MGAT3: variants seen among roughly 807,000 people sequenced by gnomAD.
The protein encoded by MGAT3 is GlcNAc-T III.
Under a neutral mutation model 29.8 loss-of-function variants are expected in MGAT3, and 9 were observed. The observed-to-expected ratio is 0.30, with a 90% CI of 0.18 to 0.53. MGAT3 has a LOEUF of 0.53. Ranked by LOEUF, MGAT3 falls within the 20% of genes least tolerant of loss-of-function variation. The pLI is 0.96. For missense variants in MGAT3, 557 were observed against 769.5 expected, an observed-to-expected ratio of 0.72 and a Z score of 3.27; for synonymous variants, 397 against 348.9, an observed-to-expected ratio of 1.14 and a Z score of -1.54.
intron 1 of MGAT3, among the ~76,000 whole-genome samples, chr22:39,461,117 A>G (rs1928485976): frequency 6.6e-6 from 1 of 152,048 alleles, no homozygotes. Flanking sequence ...CTGTGCTGTA[A>G]ATCCTCCCCA....
chr22:39,468,140 C>T (rs945207755), intron 1 of MGAT3, among the ~76,000 whole-genome samples: 1 of 152,114 alleles, frequency 6.6e-6, no homozygotes, highest in African/African-American at 2.4e-5. Context: ...CCCTGGGTGC[C>T]CAGAGCCCCA....
At position 39,484,497 on chromosome 22, in the gene MGAT3, C is replaced by CT. The variant is rs199767381; in HGVS notation, c.-1-2849dup. ...AAGCGATTCTCCTGCCTCAGCCTCC[C>CT]TAGTAGCTGGGATTACAGGTGCCCA... is the stretch of plus-strand genomic sequence containing the variant. On this transcript the variant is annotated intron_variant, in intron 1 of 1. Coordinates refer to ENST00000341184, the MANE Select transcript of MGAT3 (RefSeq NM_002409.5). Among the ~76,000 whole-genome samples the CT allele has an allele frequency of 5.3e-3, 809 of 152,116 alleles. 3 individuals carry two copies. Among genetic ancestry groups the CT allele is most frequent in the Middle Eastern group, 0.014 (4 of 294 alleles).
In MGAT3 at chr22:39,489,529, C is replaced by T. The variant is rs1459622900; in HGVS notation, c.*580C>T. 5.9e-6 allele frequency: 1 copy of T among 169,584 alleles called. No individual in the cohort carries two copies. The highest frequency in any genetic ancestry group is 1.9e-4 in the East Asian group (1 of 5,230). 10.5% of individuals were successfully genotyped at this position (169,584 alleles called of 1,614,324 possible). On this transcript the variant is annotated 3_prime_UTR_variant, in exon 2 of 2. Transcript: ENST00000341184. ...TGCAGTGTAGTCAGAAGTGCTGGGC[C>T]AGATGGAGACAGAACTCCACCCCCT... is the stretch of plus-strand genomic sequence containing the variant.
At chr22:39,459,423 T>C (rs1167615757) in intron 1 of MGAT3, among the ~76,000 whole-genome samples, 4 of 152,056 alleles carry the variant, frequency 2.6e-5, no homozygotes, top group African/African-American at 9.7e-5. Context: ...GAAGTCAGCT[T>C]TCTGAGCCTC....
In MGAT3 at chr22:39,488,870, C is replaced by A; in HGVS notation, c.1523C>A (p.Thr508Lys). 1 of 1,599,848 alleles carries A rather than the reference C, an allele frequency of 6.3e-7. No homozygotes were observed. The highest frequency in any genetic ancestry group is 8.5e-7 in the Non-Finnish European group (1 of 1,173,876). The change falls in exon 2 of 2, where the codon ACG becomes AAG. Residue 508 changes from threonine to lysine, a missense_variant. Physicochemically the swap from Thr to Lys is moderately conservative, Grantham distance 78. Coordinates refer to ENST00000341184, the MANE Select transcript of MGAT3 (RefSeq NM_002409.5). ...AACCCCTACCAGGAGCCCAGGAGCACGGCGGCGGGCGGGTGGCGCCACAGG... is the reference window on the plus strand; with the variant it reads ...AACCCCTACCAGGAGCCCAGGAGCAAGGCGGCGGGCGGGTGGCGCCACAGG... ...LDNPYQEPRS[T>K]AAGGWRHRGP... is the part of the protein sequence containing the mutation.
intron 1 of MGAT3, among the ~76,000 whole-genome samples, chr22:39,470,762 C>T (rs1286509820): frequency 2.6e-5 from 4 of 152,114 alleles, no homozygotes; most frequent in Non-Finnish European, 5.9e-5. Context: ...GGATGTTATC[C>T]GTTTTAATCC....
chr22:39,469,250 G>C (rs2145714518), intron 1 of MGAT3, among the ~76,000 whole-genome samples: 1 of 152,224 alleles, frequency 6.6e-6, no homozygotes, highest in East Asian at 1.9e-4. Flanking sequence ...CGTCATCGGA[G>C]CGTCAGTCCC....
At chr22:39,463,946 T>C (rs1928566163) in intron 1 of MGAT3, among the ~76,000 whole-genome samples, 1 of 151,370 alleles carries the variant, frequency 6.6e-6, no homozygotes, top group Non-Finnish European at 1.5e-5. Flanking sequence ...AATGCTGCCC[T>C]GAGGATACAG....
chr22:39,472,327 G>A (rs572893622), intron 1 of MGAT3, among the ~76,000 whole-genome samples: 1 of 152,156 alleles, frequency 6.6e-6, no homozygotes, highest in Non-Finnish European at 1.5e-5. Context: ...CCGGTACTTT[G>A]TCAGAGACTC....
chr22:39,475,623 A>G (rs923067605), intron 1 of MGAT3, among the ~76,000 whole-genome samples: 12 of 152,126 alleles, frequency 7.9e-5, no homozygotes, highest in African/African-American at 2.9e-4. Flanking sequence ...GCCGTCTCTC[A>G]GGCTTGGCGC....
chr22:39,466,254 G>A (rs1928642694), intron 1 of MGAT3, among the ~76,000 whole-genome samples: 1 of 152,188 alleles, frequency 6.6e-6, no homozygotes, highest in East Asian at 1.9e-4. Context: ...TGATTCTGGG[G>A]CCACCGCTTG....
In MGAT3 at chr22:39,487,642, G is replaced by A; in HGVS notation, c.295G>A (p.Val99Met). 4 of 1,611,168 alleles carry A rather than the reference G, an allele frequency of 2.5e-6. No individual in the cohort carries two copies. The highest frequency in any genetic ancestry group is 3.4e-6 in the Non-Finnish European group (4 of 1,179,030). Residue 99 changes from valine to methionine, a missense_variant, in exon 2 of 2, where the codon GTG (valine) becomes ATG (methionine). Val to Met is a conservative substitution (Grantham distance 21, BLOSUM62 1). This residue lies in a region of MGAT3 where 212 missense variants were observed against 228.5 expected (regional missense o/e 0.93). Transcript: ENST00000341184. The surrounding 1 kb of genome is among the most constrained non-coding windows in gnomAD (Gnocchi z 5.7). ...AAEELHRVDL[V>M]LPEDTTEYFV... is the part of the protein sequence containing the mutation. ...CGAGGAGCTCCACCGGGTGGACTTG[G>A]TGCTGCCCGAGGACACCACCGAGTA...
rs1411148848 is a variant in MGAT3, at chr22:39,457,145, G to T, written c.-414G>T. Reference sequence around the variant, plus strand: ...GCGGCGGAGCCCGGCTGGCGGGGGAGGGGAGGGGGTTGCGGAGGGGGCGGG... The same window carrying T: ...GCGGCGGAGCCCGGCTGGCGGGGGATGGGAGGGGGTTGCGGAGGGGGCGGG... On this transcript the variant is annotated 5_prime_UTR_variant, in exon 1 of 2. In the 5' UTR this introduces an upstream ATG that the reference lacks. Coordinates refer to ENST00000341184, the MANE Select transcript of MGAT3 (RefSeq NM_002409.5). This position sits in a 1 kb window ranked among gnomAD's most constrained non-coding sequence, Gnocchi z 6.8. Among the ~76,000 whole-genome samples, 1 of 145,636 alleles carries T rather than the reference G, an allele frequency of 6.9e-6. No individual in the cohort carries two copies. Among genetic ancestry groups the T allele is most frequent in the Non-Finnish European group, 1.5e-5 (1 of 65,546 alleles).
chr22:39,471,775 G>A (rs8137402), intron 1 of MGAT3, among the ~76,000 whole-genome samples: 2 of 152,126 alleles, frequency 1.3e-5, no homozygotes, highest in African/African-American at 4.8e-5. Flanking sequence ...GGGGCAGAGC[G>A]ACACGGTACT....
At chr22:39,466,188 G>C (rs1415902908) in intron 1 of MGAT3, among the ~76,000 whole-genome samples, 1 of 152,166 alleles carries the variant, frequency 6.6e-6, no homozygotes, top group African/African-American at 2.4e-5. Flanking sequence ...AAATGCAGTT[G>C]TATTCTAACA....
At chr22:39,471,547 C>T (rs996106820) in intron 1 of MGAT3, among the ~76,000 whole-genome samples, 2 of 152,120 alleles carry the variant, frequency 1.3e-5, no homozygotes, top group African/African-American at 4.8e-5. Flanking sequence ...CTCCTTCCTT[C>T]GCCCTCCCAG....
chr22:39,475,439 G>A (rs1353064868), intron 1 of MGAT3, among the ~76,000 whole-genome samples: 5 of 151,988 alleles, frequency 3.3e-5, no homozygotes, highest in African/African-American at 9.7e-5. Flanking sequence ...CTCCCCTCCC[G>A]AGGTCTCCTT....
intron 1 of MGAT3, chr22:39,486,394 C>T (rs998533907): frequency 3.1e-5 from 7 of 228,370 alleles, no homozygotes; most frequent in South Asian, 9.1e-5. Context: ...CTGCCCACCT[C>T]GGCCTCCCAA....
At chr22:39,459,238 T>C (rs1005087435) in intron 1 of MGAT3, among the ~76,000 whole-genome samples, 1 of 152,014 alleles carries the variant, frequency 6.6e-6, no homozygotes, top group Admixed American at 6.5e-5. Flanking sequence ...CACACCCGGC[T>C]AATTTTTGTA....
Sources: allele counts gnomAD v4.1 joint callset (sites outside exome capture counted in the v4.1 genomes callset), GRCh38; gene constraint gnomAD v4.1.1; regional missense constraint gnomAD v4.1.1; non-coding constraint Gnocchi (gnomAD v3.1); transcripts MANE v1.5; gene names NCBI Gene and HGNC (gene_info 2026-07-23, HGNC 2026-07-21).